DOCK6: variants seen among roughly 807,000 people sequenced by gnomAD.
DOCK6 encodes the protein dedicator of cytokinesis protein 6.
A neutral mutation model predicts 230.3 loss-of-function variants in DOCK6; 167 were observed. The ratio of observed to expected loss-of-function variants is 0.73; its 90% confidence interval spans 0.64 to 0.82. DOCK6 has a LOEUF of 0.82. Among genes scored for constraint, DOCK6 ranks in the 40% least tolerant of loss-of-function variants. The pLI, the probability that DOCK6 is intolerant of heterozygous loss-of-function variation, is 0.00. For missense variants in DOCK6, 2,598 were observed against 2,825.8 expected (o/e 0.92, Z 1.83); for synonymous variants, 1,148 against 1,185.0 (o/e 0.97, Z 0.64).
intron 9 of DOCK6, 95 bp downstream of exon 9, chr19:11,245,468 C>T: frequency 7.6e-7 from 1 of 1,311,914 alleles, no homozygotes; most frequent in Non-Finnish European, 1.1e-6. Flanking sequence ...CCCTGATTAC[C>T]CTTCTTGGTG....
intron 6 of DOCK6, among the ~76,000 whole-genome samples, chr19:11,249,556 T>C (rs1176484881): frequency 6.6e-6 from 1 of 150,912 alleles, no homozygotes; most frequent in Non-Finnish European, 1.5e-5. Flanking sequence ...TCCTATGGTG[T>C]TGATGGTTGG....
At chr19:11,218,862 A>C (rs1284875832) in intron 28 of DOCK6, among the ~76,000 whole-genome samples, 1 of 150,308 alleles carries the variant, frequency 6.7e-6, no homozygotes, top group African/African-American at 2.5e-5. Flanking sequence ...GCTCAAGAAA[A>C]AAAAAAAATC....
intron 1 of DOCK6, among the ~76,000 whole-genome samples, chr19:11,259,088 G>A (rs1232925510): frequency 6.6e-6 from 1 of 152,052 alleles, no homozygotes; most frequent in Non-Finnish European, 1.5e-5. Context: ...GTCTCACTCT[G>A]TCACTCAGGC....
chr19:11,214,340 C>A lies in DOCK6; in HGVS notation c.4273G>T (p.Gly1425Cys), dbSNP rs201987811. ...AAGAAGAGGGCACTCTGGGCACTGC[C>A]CAGGCTGTACAGCACAACCTTCAGC... ...AVLKVVLYSL[G>C]SAQSALFLQH... The change falls in exon 34 of 48, where the codon GGC (glycine) becomes TGC (cysteine). Residue 1425 changes from glycine to cysteine, a missense_variant. Gly to Cys is a radical substitution (Grantham distance 159, BLOSUM62 -3). Coordinates refer to ENST00000294618, the MANE Select transcript of DOCK6 (RefSeq NM_020812.4). 1.6e-5 allele frequency: 26 copies of A among 1,613,600 alleles called. No homozygotes were observed. The African/African-American group carries it at 2.7e-4, about 17-fold the overall frequency.
At chr19:11,257,139 A>G (rs1323601129) in intron 1 of DOCK6, among the ~76,000 whole-genome samples, 1 of 141,440 alleles carries the variant, frequency 7.1e-6, no homozygotes, top group Middle Eastern at 3.3e-3. Flanking sequence ...GATGCACACC[A>G]CCATGCTTGG....
Position 11,223,033 on chromosome 19 carries a change from C to T in DOCK6, c.3029G>A (p.Arg1010Gln), listed in dbSNP as rs375754955. The T allele has an allele frequency of 1.0e-4, 168 of 1,613,652 alleles. No individual in the cohort carries two copies. Among genetic ancestry groups the T allele is most frequent in the Middle Eastern group, 1.6e-4 (1 of 6,082 alleles). ...FLSDLLSLVD[R>Q]GFVFSLVRAH... ...CCGGACCAGGCTGAAGACAAAGCCC[C>T]GGTCCACCAGGGACAGAAGGTCACT... is the stretch of plus-strand genomic sequence containing the variant. The change falls in exon 25 of 48, where the codon CGG (arginine) becomes CAG (glutamine). Residue 1010 changes from arginine (R) to glutamine (Q), a missense_variant. Transcript: ENST00000294618.
chr19:11,224,569 G>T (rs2079634912), intron 24 of DOCK6, among the ~76,000 whole-genome samples: 1 of 152,192 alleles, frequency 6.6e-6, no homozygotes, highest in Non-Finnish European at 1.5e-5. Context: ...GATACTGAAG[G>T]ATACCAAAGA....
chr19:11,239,915 C>A (rs1355873080), intron 14 of DOCK6: 1 of 1,587,368 alleles, frequency 6.3e-7, no homozygotes, highest in Non-Finnish European at 8.6e-7. Context: ...GAACTTCGGG[C>A]AAGCCTGTTG....
intron 5 of DOCK6, chr19:11,251,577 C>G (rs146941000): frequency 6.5e-6 from 1 of 154,688 alleles, no homozygotes; most frequent in Non-Finnish European, 1.4e-5. Flanking sequence ...CAAAATTAGC[C>G]GGCATGGTGG....
At chr19:11,248,250 G>C in intron 6 of DOCK6, 99 bp from the exon 7 acceptor site, 1 of 878,230 alleles carries the variant, frequency 1.1e-6, no homozygotes, top group Non-Finnish European at 1.7e-6. Flanking sequence ...ACCCCAGCCT[G>C]ACTAACCGTC....
intron 32 of DOCK6, 30 bp from the exon 33 acceptor site, chr19:11,214,679 C>T (rs551409075): frequency 6.2e-7 from 1 of 1,603,410 alleles, no homozygotes; most frequent in Admixed American, 1.7e-5. Context: ...CTTGGGGGCC[C>T]ACTCGGGGTG....
chr19:11,244,945 T>C (rs1430779774), intron 9 of DOCK6, among the ~76,000 whole-genome samples: 1 of 152,146 alleles, frequency 6.6e-6, no homozygotes, highest in Non-Finnish European at 1.5e-5. Context: ...TGGGCATGGC[T>C]CTGAGCCATG....
intron 39 of DOCK6, 114 bp downstream of exon 39, chr19:11,208,572 C>CCCAG: frequency 6.9e-7 from 1 of 1,439,672 alleles, no homozygotes; most frequent in Non-Finnish European, 9.2e-7. Flanking sequence ...AGCCACCGCG[C>CCCAG]CCAGCCTATT....
Position 11,243,734 on chromosome 19 carries a change from C to A in DOCK6, c.1105-24G>T. 3 of 1,613,838 alleles carry A rather than the reference C, an allele frequency of 1.9e-6. No homozygotes were observed. The highest frequency in any genetic ancestry group is 2.5e-6 in the Non-Finnish European group (3 of 1,179,814). On this transcript the variant is annotated intron_variant, in intron 10 of 47. Coordinates refer to ENST00000294618, the MANE Select transcript of DOCK6 (RefSeq NM_020812.4). The surrounding 1 kb of genome is among the most constrained non-coding windows in gnomAD (Gnocchi z 6.3). ...TTCTGTGGGGAGACCCCGTCCCCTGCCAGCTCAGCATCCTAGCCCTGCTGA... is the reference window on the plus strand; with the variant it reads ...TTCTGTGGGGAGACCCCGTCCCCTGACAGCTCAGCATCCTAGCCCTGCTGA...
At chr19:11,224,098 A>G (rs2147788381) in intron 24 of DOCK6, among the ~76,000 whole-genome samples, 1 of 152,310 alleles carries the variant, frequency 6.6e-6, no homozygotes, top group Non-Finnish European at 1.5e-5. Flanking sequence ...CAAGAATTTC[A>G]GATAGTTCTA....
chr19:11,224,210 C>CTTTCTTTCTTTCTTTCTTTCTTTCTT (rs2079627163), intron 24 of DOCK6, among the ~76,000 whole-genome samples: 1 of 150,226 alleles, frequency 6.7e-6, no homozygotes, highest in South Asian at 2.1e-4. Flanking sequence ...TTCTTTCTTT[C>CTTTCTTTCTTTCTTTCTTTCTTTCTT]TTTCTTTTTT....
In DOCK6 at chr19:11,200,221, T is replaced by C. The variant is rs1321045011; in HGVS notation, c.6101+87A>G. On this transcript the variant is annotated intron_variant, in intron 47 of 47. Transcript: ENST00000294618. The surrounding 1 kb of genome is among the most constrained non-coding windows in gnomAD (Gnocchi z 4.3). ...ACCAGCAAACATGTTGCTGTGTATG[T>C]GTACAACAGCCCCCATCCTGTACCT... 3 of 1,367,202 alleles carry C rather than the reference T, an allele frequency of 2.2e-6. No homozygotes were observed. In the African/African-American group the frequency reaches 4.4e-5, roughly 20 times the overall value. The allele number at this position is 1,367,202 out of a possible 1,614,324, so 84.7% of individuals were successfully genotyped here.
rs779583213 is a variant in DOCK6 at position 11,202,689 on chromosome 19, G to A, written c.5256C>T (p.Phe1752=). ...SGWERVFGTY[F]RVGFYGAHFG... ...AGTGGGCGCCGTAGAAGCCCACGCGGAAATACGTCCCGAACACGCGCTGGG... is the reference window on the plus strand; with the variant it reads ...AGTGGGCGCCGTAGAAGCCCACGCGAAAATACGTCCCGAACACGCGCTGGG... The change falls in exon 42 of 48, where the codon TTC becomes TTT. Residue 1752 remains phenylalanine, a synonymous_variant. Coordinates refer to ENST00000294618, the MANE Select transcript of DOCK6 (RefSeq NM_020812.4). This position sits in a 1 kb window ranked among gnomAD's most constrained non-coding sequence, Gnocchi z 5.3. 2.5e-6 allele frequency: 4 copies of A among 1,614,012 alleles called. No individual in the cohort carries two copies. The South Asian group carries it at 4.4e-5, about 18-fold the overall frequency.
Position 11,214,655 on chromosome 19 carries a change from A to AG in DOCK6, c.4107-7dup. 6.2e-7 allele frequency: 1 copy of AG among 1,613,070 alleles called. No homozygotes were observed. The highest frequency in any genetic ancestry group is 8.5e-7 in the Non-Finnish European group (1 of 1,179,516). On this transcript the variant is annotated splice_polypyrimidine_tract_variant and splice_region_variant and intron_variant, in intron 32 of 47. Transcript: ENST00000294618. Reference sequence around the variant, plus strand: ...GTTCCATTTCATCCTTGGTCCTGGAAGGGGAAAGGAGGTCTTGGGGGCCCA... The same window carrying AG: ...GTTCCATTTCATCCTTGGTCCTGGAAGGGGGAAAGGAGGTCTTGGGGGCCCA...
Sources: gnomAD v4.1 joint callset for allele counts (sites outside exome capture counted in the v4.1 genomes callset) on GRCh38, gnomAD v4.1.1 for gene constraint, Gnocchi (gnomAD v3.1) non-coding constraint, MANE v1.5 for transcripts, NCBI Gene and HGNC (gene_info 2026-07-23, HGNC 2026-07-21) for gene names.